Variants in LINGO2 observed in about 807,000 individuals in gnomAD.
LINGO2 encodes the protein leucine-rich repeat and immunoglobulin-like domain-containing nogo receptor-interacting protein 2.
A neutral mutation model predicts 30.6 loss-of-function variants in LINGO2; 14 were observed. The ratio of observed to expected loss-of-function variants is 0.46; its 90% CI spans 0.30 to 0.72. The LOEUF (loss-of-function observed/expected upper bound fraction) is 0.72, where lower values mean the gene tolerates loss of function less well. Ranked by LOEUF, LINGO2 falls within the 30% of genes least tolerant of loss-of-function variation. The probability of loss-of-function intolerance (pLI) is 0.07; values close to 1 mark genes in which losing one functional copy is unlikely to be tolerated. For synonymous variants in LINGO2, 317 were observed against 288.5 expected (o/e 1.10, Z -1.00); for missense variants, 729 against 751.7 (o/e 0.97, Z 0.35).
In LINGO2 at chr9:28,561,735, T is replaced by TTGTGTGTG. The variant is rs72145510; in HGVS notation, c.-364-85718_-364-85711dup. ...ATATATAAATGTATTATATATAATT[T>TTGTGTGTG]TGTGTGTGTGTGTGTATATATATAT... On this transcript the variant is annotated intron_variant, in intron 1 of 5. Coordinates refer to ENST00000379992, the Ensembl canonical transcript of LINGO2. 4.5e-4 allele frequency among the ~76,000 whole-genome samples: 20 copies of TTGTGTGTG among 44,016 alleles called. 1 individual carries two copies. The highest frequency in any genetic ancestry group is 1.1e-3 in the Admixed American group (4 of 3,600). 28.9% of individuals were successfully genotyped at this position (44,016 alleles called of 152,430 possible).
intron 5 of LINGO2, among the ~76,000 whole-genome samples, chr9:27,980,056 A>C (rs1820782274): frequency 6.6e-6 from 1 of 151,884 alleles, no homozygotes; most frequent in Admixed American, 6.6e-5. Context: ...ACTATTTCCA[A>C]CACCAGCTGT....
intron 5 of LINGO2, among the ~76,000 whole-genome samples, chr9:27,995,489 A>G (rs1459517121): frequency 6.6e-6 from 1 of 152,208 alleles, no homozygotes; most frequent in Admixed American, 6.6e-5. Flanking sequence ...TAAACAAAAT[A>G]TTAGCAAACC....
intron 4 of LINGO2, among the ~76,000 whole-genome samples, chr9:28,019,122 T>C (rs1822986290): frequency 6.6e-6 from 1 of 152,054 alleles, no homozygotes; most frequent in Non-Finnish European, 1.5e-5. Flanking sequence ...TGAGGCCTAC[T>C]TGACAGATGA....
intron 5 of LINGO2, among the ~76,000 whole-genome samples, chr9:27,971,715 C>T (rs1057071874): frequency 1.1e-4 from 16 of 152,012 alleles, no homozygotes; most frequent in African/African-American, 3.9e-4. Context: ...TAGAAGTGAT[C>T]GTTATTATCA....
At chr9:29,173,498 T>C in the LINGO2 span, among the ~76,000 whole-genome samples, 2 of 152,154 alleles carry the variant, frequency 1.3e-5, no homozygotes, top group African/African-American at 2.4e-5. Flanking sequence ...GTTGCTTTGA[T>C]CTCTGTGAGA....
At chr9:28,266,586 C>CT in intron 4 of LINGO2, among the ~76,000 whole-genome samples, 1 of 151,938 alleles carries the variant, frequency 6.6e-6, no homozygotes, top group Non-Finnish European at 1.5e-5. Flanking sequence ...TCTCAGAGTT[C>CT]TTCTCTTTGG....
chr9:28,716,463 T>C, the LINGO2 span, among the ~76,000 whole-genome samples: 1 of 152,048 alleles, frequency 6.6e-6, no homozygotes, highest in Non-Finnish European at 1.5e-5. Flanking sequence ...CACAATGACA[T>C]AATTCAGGTG....
chr9:29,018,829 G>A, the LINGO2 span, among the ~76,000 whole-genome samples: 2 of 152,150 alleles, frequency 1.3e-5, no homozygotes, highest in Non-Finnish European at 2.9e-5. Flanking sequence ...TAAGACAAAG[G>A]TTTCTTAAAT....
chr9:28,215,879 A>T (rs1407078238), intron 4 of LINGO2, among the ~76,000 whole-genome samples: 1 of 151,914 alleles, frequency 6.6e-6, no homozygotes, highest in African/African-American at 2.4e-5. Context: ...CCTGCAGCAA[A>T]AAAAGGCTTC....
chr9:27,975,771 G>A (rs1820563932), intron 5 of LINGO2, among the ~76,000 whole-genome samples: 1 of 152,130 alleles, frequency 6.6e-6, no homozygotes, highest in South Asian at 2.1e-4. Flanking sequence ...AAGGCTGCAA[G>A]TGCATTGAAA....
chr9:28,420,555 A>C (rs1481241194), intron 2 of LINGO2, among the ~76,000 whole-genome samples: 1 of 152,104 alleles, frequency 6.6e-6, no homozygotes, highest in East Asian at 1.9e-4. Flanking sequence ...TGTTTGTAAG[A>C]AAGACAATAA....
At chr9:28,827,771 A>C in the LINGO2 span, among the ~76,000 whole-genome samples, 13 of 152,150 alleles carry the variant, frequency 8.5e-5, no homozygotes, top group African/African-American at 3.1e-4. Flanking sequence ...ATTTTATTGA[A>C]AACATTGCAT....
intron 4 of LINGO2, among the ~76,000 whole-genome samples, chr9:28,215,289 G>A (rs1820725608): frequency 6.6e-6 from 1 of 151,804 alleles, no homozygotes; most frequent in Non-Finnish European, 1.5e-5. Context: ...ACACTTGAAA[G>A]AACAGGACAT....
intron 4 of LINGO2, among the ~76,000 whole-genome samples, chr9:28,098,062 C>G (rs72724976): frequency 6.6e-6 from 1 of 151,968 alleles, no homozygotes; most frequent in Non-Finnish European, 1.5e-5. Flanking sequence ...CCCAATACTA[C>G]GGGAGGCCGT....
intron 1 of LINGO2, among the ~76,000 whole-genome samples, chr9:28,510,869 G>A (rs2135360789): frequency 6.6e-6 from 1 of 152,094 alleles, no homozygotes; most frequent in East Asian, 1.9e-4. Context: ...GAGGAGCAAA[G>A]AGAACGAGTC....
chr9:28,606,792 T>TTATG (rs1825710950), intron 1 of LINGO2, among the ~76,000 whole-genome samples: 1 of 152,080 alleles, frequency 6.6e-6, no homozygotes, highest in Admixed American at 6.6e-5. Flanking sequence ...GTGCATGCAA[T>TTATG]TATGTAAAAT....
chr9:28,089,245 A>C (rs998235111), intron 4 of LINGO2, among the ~76,000 whole-genome samples: 1 of 152,214 alleles, frequency 6.6e-6, no homozygotes, highest in Non-Finnish European at 1.5e-5. Flanking sequence ...TCTCCACCCC[A>C]AATCAACAGA....
chr9:28,449,372 A>G (rs1466172615), intron 2 of LINGO2, among the ~76,000 whole-genome samples: 1 of 152,088 alleles, frequency 6.6e-6, no homozygotes, highest in Non-Finnish European at 1.5e-5. Flanking sequence ...AAAGCACAGA[A>G]GTGCATTTCT....
the LINGO2 span, among the ~76,000 whole-genome samples, chr9:28,992,934 C>A: frequency 6.6e-6 from 1 of 151,236 alleles, no homozygotes; most frequent in African/African-American, 2.4e-5. Flanking sequence ...AATTGACACC[C>A]TTACATCACA....
Sources: gnomAD v4.1 joint callset for allele counts (sites outside exome capture counted in the v4.1 genomes callset) on GRCh38, gnomAD v4.1.1 for gene constraint, MANE v1.5 for transcripts, NCBI Gene and HGNC (gene_info 2026-07-23, HGNC 2026-07-21) for gene names.